PCDH15: variants seen among roughly 807,000 people sequenced by gnomAD.
PCDH15 encodes protocadherin-15.
A neutral mutation model predicts 178.5 loss-of-function variants in PCDH15; 129 were observed. The ratio of observed to expected loss-of-function variants is 0.72; its 90% CI spans 0.63 to 0.84. The LOEUF is 0.84. PCDH15 is among the 40% of genes least tolerant of loss of function. PCDH15 has a pLI of 0.00. For missense variants in PCDH15, 2,230 were observed against 2,099.9 expected (o/e 1.06, Z -1.21); for synonymous variants, 800 against 732.0 (o/e 1.09, Z -1.50).
chr10:54,010,158 G>A (rs1168004678), intron 20 of PCDH15, among the ~76,000 whole-genome samples: 1 of 151,948 alleles, frequency 6.6e-6, no homozygotes, highest in Admixed American at 6.5e-5. Flanking sequence ...TTGCTGCTCT[G>A]CAACCCTCCC....
At chr10:54,733,757 T>C (rs1446635124) in intron 1 of PCDH15, among the ~76,000 whole-genome samples, 1 of 151,534 alleles carries the variant, frequency 6.6e-6, no homozygotes, top group Non-Finnish European at 1.5e-5. Context: ...GATACACATA[T>C]GAAAGGAATA....
At chr10:54,404,055 G>T (rs1378571487) in intron 3 of PCDH15, among the ~76,000 whole-genome samples, 3 of 151,980 alleles carry the variant, frequency 2.0e-5, no homozygotes, top group African/African-American at 7.2e-5. Flanking sequence ...GTAATTCATA[G>T]ATTCAATGTT....
In PCDH15 at chr10:54,691,952, C is replaced by T. The variant is rs547710459; in HGVS notation, c.-28-27662G>A. 1.2e-4 allele frequency among the ~76,000 whole-genome samples: 18 copies of T among 152,162 alleles called. No homozygotes were observed. In the South Asian group the frequency reaches 3.3e-3, roughly 28 times the overall value. On this transcript the variant is annotated intron_variant, in intron 1 of 37. Coordinates refer to ENST00000644397, the MANE Select transcript of PCDH15 (RefSeq NM_001384140.1). ...AGTATGCCAAGTAATACTTTGGCCA[C>T]TTCACAAGGAAGAAAAGGATATATA...
rs536987390 is a variant in PCDH15, at chr10:54,702,361, G to A, written c.-28-38071C>T. 4.0e-5 allele frequency among the ~76,000 whole-genome samples: 6 copies of A among 151,784 alleles called. No individual in the cohort carries two copies. In the Middle Eastern group the frequency reaches 0.01, roughly 258 times the overall value. Reference sequence around the variant, plus strand: ...TAGCAGAAGACAACAAAAAACCAGAGTCAGATCTGAACTGAATGAAATAAA... The same window carrying A: ...TAGCAGAAGACAACAAAAAACCAGAATCAGATCTGAACTGAATGAAATAAA... On this transcript the variant is annotated intron_variant, in intron 1 of 37. Coordinates refer to ENST00000644397, the MANE Select transcript of PCDH15 (RefSeq NM_001384140.1).
intron 2 of PCDH15, among the ~76,000 whole-genome samples, chr10:55,039,606 G>C (rs920810015): frequency 1.3e-5 from 2 of 152,016 alleles, no homozygotes; most frequent in Non-Finnish European, 2.9e-5. Flanking sequence ...AGAAACTCAT[G>C]AATACTCCCA....
chr10:55,254,605 T>C (rs1841938594), intron 1 of PCDH15, among the ~76,000 whole-genome samples: 1 of 152,186 alleles, frequency 6.6e-6, no homozygotes, highest in Non-Finnish European at 1.5e-5. Flanking sequence ...CAAGATTGCC[T>C]TTCTCAAGGA....
At chr10:54,460,137 T>C (rs2077081044) in intron 3 of PCDH15, among the ~76,000 whole-genome samples, 1 of 152,098 alleles carries the variant, frequency 6.6e-6, no homozygotes, top group South Asian at 2.1e-4. Context: ...ATAAATGGGG[T>C]ATAAAGCAGT....
intron 2 of PCDH15, among the ~76,000 whole-genome samples, chr10:55,448,856 C>A (rs1258938705): frequency 6.6e-6 from 1 of 151,934 alleles, no homozygotes; most frequent in Non-Finnish European, 1.5e-5. Flanking sequence ...CTTAATTTTT[C>A]ATTCTACTGA....
chr10:55,063,254 C>T (rs1018713699), intron 2 of PCDH15, among the ~76,000 whole-genome samples: 4 of 152,022 alleles, frequency 2.6e-5, no homozygotes, highest in African/African-American at 7.2e-5. Context: ...AAAACCTGGA[C>T]GTTTTATAAA....
intron 16 of PCDH15, among the ~76,000 whole-genome samples, chr10:54,081,722 A>G (rs1266525284): frequency 6.6e-6 from 1 of 151,984 alleles, no homozygotes; most frequent in Non-Finnish European, 1.5e-5. Context: ...GTAATGCAAT[A>G]CACCTTATAA....
intron 1 of PCDH15, among the ~76,000 whole-genome samples, chr10:55,213,732 T>G (rs1023724204): frequency 6.6e-6 from 1 of 151,924 alleles, no homozygotes; most frequent in Non-Finnish European, 1.5e-5. Flanking sequence ...TTCTTAATGT[T>G]TACAATACAA....
chr10:55,495,347 T>A (rs2132132636), intron 2 of PCDH15, among the ~76,000 whole-genome samples: 1 of 151,650 alleles, frequency 6.6e-6, no homozygotes, highest in Middle Eastern at 3.4e-3. Flanking sequence ...TGGAAAAAAA[T>A]TTGAATGCCT....
rs939714985 is a variant in PCDH15 at position 53,804,882 on chromosome 10, T to C, written c.*1697A>G. On this transcript the variant is annotated 3_prime_UTR_variant, in exon 38 of 38. Coordinates refer to ENST00000644397, the MANE Select transcript of PCDH15 (RefSeq NM_001384140.1). ...TTGTTTGGCAGGCCAGGAGGTGTGGTCATGATTCTACGTTTCTAATCTAGC... is the reference window on the plus strand; with the variant it reads ...TTGTTTGGCAGGCCAGGAGGTGTGGCCATGATTCTACGTTTCTAATCTAGC... 5.3e-5 allele frequency: 8 copies of C among 152,090 alleles called. No homozygotes were observed. The highest frequency in any genetic ancestry group is 4.1e-4 in the South Asian group (2 of 4,832). The allele number at this position is 152,090 out of a possible 1,614,324, so 9.4% of individuals were successfully genotyped here.
At chr10:54,103,951 C>T (rs952428816) in intron 15 of PCDH15, among the ~76,000 whole-genome samples, 7 of 152,126 alleles carry the variant, frequency 4.6e-5, no homozygotes, top group Non-Finnish European at 1.0e-4. Context: ...TAAACTCGAG[C>T]AGTTCTTTTC....
At chr10:54,774,878 C>T (rs569336535) in intron 1 of PCDH15, among the ~76,000 whole-genome samples, 46 of 152,108 alleles carry the variant, frequency 3.0e-4, no homozygotes, top group African/African-American at 9.6e-4. Context: ...TAAATGTCCT[C>T]CTGCCTTGAA....
intron 1 of PCDH15, among the ~76,000 whole-genome samples, chr10:54,671,852 C>G (rs893890508): frequency 6.6e-6 from 1 of 152,204 alleles, no homozygotes; most frequent in East Asian, 1.9e-4. Flanking sequence ...TTCTATAGAT[C>G]AGGGGTTCAG....
intron 14 of PCDH15, among the ~76,000 whole-genome samples, chr10:54,138,235 T>G (rs2043064602): frequency 6.6e-6 from 1 of 152,036 alleles, no homozygotes; most frequent in Non-Finnish European, 1.5e-5. Context: ...GGGGGCTTGT[T>G]TGTAATTGTG....
chr10:54,307,040 G>GTGTATA (rs1554890891), intron 8 of PCDH15, among the ~76,000 whole-genome samples: 4 of 29,326 alleles, frequency 1.4e-4, no homozygotes, highest in Admixed American at 5.4e-4. Flanking sequence ...GTGTGTGTGT[G>GTGTATA]TATATATATA....
chr10:55,339,968 AAG>A (rs1844505265), intron 2 of PCDH15, among the ~76,000 whole-genome samples: 1 of 151,468 alleles, frequency 6.6e-6, no homozygotes, highest in Non-Finnish European at 1.5e-5. Context: ...TGTTTTTTGA[AAG>A]AGAAAGATAA....
Sources: gnomAD v4.1 joint callset for allele counts (sites outside exome capture counted in the v4.1 genomes callset) on GRCh38, gnomAD v4.1.1 for gene constraint, MANE v1.5 for transcripts, NCBI Gene and HGNC (gene_info 2026-07-23, HGNC 2026-07-21) for gene names.